ARSB: variants seen among roughly 807,000 people sequenced by gnomAD.
ARSB encodes arylsulfatase B, also known as N-acetylgalactosamine-4-sulfatase.
A neutral mutation model predicts 50.9 loss-of-function variants in ARSB; 41 were observed. That is an observed-to-expected ratio of 0.81 (90% CI 0.63 to 1.04). The LOEUF is 1.04. Among genes scored for constraint, ARSB ranks in the 50% least tolerant of loss-of-function variants. The probability of loss-of-function intolerance (pLI) is 0.00; values close to 1 mark genes in which losing one functional copy is unlikely to be tolerated. For missense variants in ARSB, 672 were observed against 693.3 expected (o/e 0.97, Z 0.35); for synonymous variants, 269 against 284.8 (o/e 0.94, Z 0.56).
chr5:78,805,115 C>A (rs1486946548), intron 6 of ARSB, among the ~76,000 whole-genome samples: 1 of 152,194 alleles, frequency 6.6e-6, no homozygotes, highest in Non-Finnish European at 1.5e-5. Flanking sequence ...AGACCCCGAC[C>A]AACCAACGTT....
At chr5:78,907,059 G>GA (rs1316200140) in intron 4 of ARSB, among the ~76,000 whole-genome samples, 2 of 152,100 alleles carry the variant, frequency 1.3e-5, no homozygotes, top group East Asian at 1.9e-4. Context: ...TAGCCTATGT[G>GA]AAAAAATACA....
chr5:78,806,209 A>C (rs1002316097), intron 6 of ARSB, among the ~76,000 whole-genome samples: 1 of 152,244 alleles, frequency 6.6e-6, no homozygotes. Flanking sequence ...ACAATAATCA[A>C]ACAAAATTAA....
At chr5:78,950,600 G>C (rs1380295501) in intron 4 of ARSB, among the ~76,000 whole-genome samples, 2 of 152,168 alleles carry the variant, frequency 1.3e-5, no homozygotes, top group Non-Finnish European at 2.9e-5. Context: ...AAGAGTCTGG[G>C]GTTCTTTTAG....
chr5:78,940,611 T>A (rs188530546), intron 4 of ARSB, among the ~76,000 whole-genome samples: 15 of 152,360 alleles, frequency 9.8e-5, no homozygotes, highest in African/African-American at 3.6e-4. Flanking sequence ...GTGGCATTAT[T>A]TCTGAGGGCT....
chr5:78,911,942 A>C (rs1466095715), intron 4 of ARSB, among the ~76,000 whole-genome samples: 2 of 152,200 alleles, frequency 1.3e-5, no homozygotes, highest in African/African-American at 4.8e-5. Context: ...CTGAATTTGC[A>C]ATAATAATTT....
At chr5:78,813,904 T>C (rs1336726754) in intron 6 of ARSB, among the ~76,000 whole-genome samples, 1 of 152,208 alleles carries the variant, frequency 6.6e-6, no homozygotes, top group Non-Finnish European at 1.5e-5. Flanking sequence ...ACATAAAATA[T>C]TTGCTGAAAT....
intron 6 of ARSB, among the ~76,000 whole-genome samples, chr5:78,833,663 G>A (rs1380330203): frequency 3.3e-5 from 5 of 152,152 alleles, no homozygotes; most frequent in South Asian, 2.1e-4. Flanking sequence ...GAGCAGAACC[G>A]AACTCAGAAC....
intron 4 of ARSB, among the ~76,000 whole-genome samples, chr5:78,911,572 TAAAAAAAAAAAA>T (rs71001137): frequency 1.0e-4 from 7 of 67,866 alleles, no homozygotes; most frequent in African/African-American, 3.1e-4. Context: ...AGACTCCCTC[TAAAAAAAAAAAA>T]AAAAAAAAAA....
intron 4 of ARSB, among the ~76,000 whole-genome samples, chr5:78,944,551 CCT>C (rs940780633): frequency 3.3e-5 from 5 of 152,092 alleles, no homozygotes; most frequent in African/African-American, 1.2e-4. Flanking sequence ...CACTCCAGAC[CCT>C]GTTTGCCTGG....
intron 4 of ARSB, among the ~76,000 whole-genome samples, chr5:78,900,101 T>C (rs1748735528): frequency 6.6e-6 from 1 of 152,172 alleles, no homozygotes; most frequent in South Asian, 2.1e-4. Flanking sequence ...AAAGGGATTA[T>C]CCCAGGTATG....
chr5:78,910,638 C>T (rs571879361), intron 4 of ARSB, among the ~76,000 whole-genome samples: 79 of 152,240 alleles, frequency 5.2e-4, no homozygotes, highest in African/African-American at 1.8e-3. Flanking sequence ...GAAATATCCC[C>T]TTTAGAAATA....
chr5:78,906,799 C>T (rs937724356), intron 4 of ARSB, among the ~76,000 whole-genome samples: 7 of 152,160 alleles, frequency 4.6e-5, no homozygotes, highest in East Asian at 3.9e-4. Flanking sequence ...CTGGTGAGCA[C>T]GGGAAGGTGG....
chr5:78,784,402 A>G (rs1369314645), intron 6 of ARSB, among the ~76,000 whole-genome samples: 1 of 152,234 alleles, frequency 6.6e-6, no homozygotes, highest in African/African-American at 2.4e-5. Flanking sequence ...TATAATAGTC[A>G]AGATATGGAA....
Position 78,943,535 on chromosome 5 carries a change from G to A in ARSB, c.898+11760C>T, listed in dbSNP as rs1379907083. On this transcript the variant is annotated intron_variant, in intron 4 of 7. Coordinates refer to ENST00000264914, the MANE Select transcript of ARSB (RefSeq NM_000046.5). Reference sequence around the variant, plus strand: ...AGTATTTTATTTCTCCTTCACTTATGAAGCTTAGTTTGGCTGGATATGAAA... The same window carrying A: ...AGTATTTTATTTCTCCTTCACTTATAAAGCTTAGTTTGGCTGGATATGAAA... Among the ~76,000 whole-genome samples the A allele has an allele frequency of 3.3e-5, 5 of 152,256 alleles. No individual in the cohort carries two copies. In the East Asian group the frequency reaches 9.6e-4, roughly 29 times the overall value.
chr5:78,938,512 A>C (rs1750739261), intron 4 of ARSB, among the ~76,000 whole-genome samples: 1 of 152,260 alleles, frequency 6.6e-6, no homozygotes, highest in Admixed American at 6.5e-5. Flanking sequence ...TCACTGATTT[A>C]TTCACATAAC....
intron 6 of ARSB, among the ~76,000 whole-genome samples, chr5:78,803,984 G>A (rs1743480910): frequency 6.6e-6 from 1 of 152,200 alleles, no homozygotes; most frequent in African/African-American, 2.4e-5. Flanking sequence ...TCCCACCCGA[G>A]GGCACCTGGC....
chr5:78,976,278 C>CTTTT (rs541278624), intron 1 of ARSB, among the ~76,000 whole-genome samples: 5 of 76,886 alleles, frequency 6.5e-5, no homozygotes, highest in Non-Finnish European at 9.9e-5. Context: ...AAACAGGCTA[C>CTTTT]TTTTTTTTTT....
chr5:78,799,249 T>G lies in ARSB; in HGVS notation c.1214-17275A>C, dbSNP rs73767417. Reference sequence around the variant, plus strand: ...TTCAGAGGGCACCCGCCTCAAGTGCTCAAGAATCTGTAGATGCAGATTTGA... The same window carrying G: ...TTCAGAGGGCACCCGCCTCAAGTGCGCAAGAATCTGTAGATGCAGATTTGA... On this transcript the variant is annotated intron_variant, in intron 6 of 7. Transcript: ENST00000264914. Among the ~76,000 whole-genome samples, 1,041 of 152,324 alleles carry G rather than the reference T, an allele frequency of 6.8e-3. 7 individuals carry two copies. Among genetic ancestry groups the G allele is most frequent in the African/African-American group, 0.024 (988 of 41,562 alleles).
chr5:78,974,871 G>A (rs1285828653), intron 1 of ARSB, among the ~76,000 whole-genome samples: 1 of 152,168 alleles, frequency 6.6e-6, no homozygotes, highest in African/African-American at 2.4e-5. Flanking sequence ...CCAGGGCTCT[G>A]CTGTGCTTTA....
Sources: allele counts gnomAD v4.1 joint callset (sites outside exome capture counted in the v4.1 genomes callset), GRCh38; gene constraint gnomAD v4.1.1; transcripts MANE v1.5; gene names NCBI Gene and HGNC (gene_info 2026-07-23, HGNC 2026-07-21).